The following VAV1 variants were observed in gnomAD, a reference collection of about 807,000 sequenced individuals.
VAV1 encodes the protein vav guanine nucleotide exchange factor 1.
Under a neutral mutation model 128.1 loss-of-function variants are expected in VAV1, and 33 were observed. The observed-to-expected ratio is 0.26, with a 90% CI of 0.20 to 0.34. The LOEUF (loss-of-function observed/expected upper bound fraction) is 0.34, where lower values mean the gene tolerates loss of function less well. VAV1 is among the 10% of genes least tolerant of loss of function. The pLI, the probability that VAV1 is intolerant of heterozygous loss-of-function variation, is 1.00. For missense variants in VAV1, 715 were observed against 1,093.7 expected, an observed-to-expected ratio of 0.65 and a Z score of 4.88; for synonymous variants, 394 against 409.8, an observed-to-expected ratio of 0.96 and a Z score of 0.47.
intron 22 of VAV1, among the ~76,000 whole-genome samples, chr19:6,846,828 ATAT>A (rs763035405): frequency 2.7e-5 from 4 of 147,664 alleles, no homozygotes; most frequent in Admixed American, 6.8e-5. Context: ...TAATGATTAT[ATAT>A]TATTATATAT....
At chr19:6,815,141 TTTTATTTA>T (rs550181298) in intron 1 of VAV1, among the ~76,000 whole-genome samples, 10 of 152,030 alleles carry the variant, frequency 6.6e-5, no homozygotes, top group Non-Finnish European at 1.3e-4. Flanking sequence ...TTGCTTCTTC[TTTTATTTA>T]TTTATTTATT....
At chr19:6,779,710 T>G (rs1239302025) in intron 1 of VAV1, among the ~76,000 whole-genome samples, 1 of 144,276 alleles carries the variant, frequency 6.9e-6, no homozygotes, top group Non-Finnish European at 1.5e-5. Context: ...AAATGAAAAA[T>G]AAAACTAAAA....
intron 22 of VAV1, 90 bp downstream of exon 22, chr19:6,843,256 T>C (rs1972424116): frequency 2.1e-6 from 3 of 1,438,716 alleles, no homozygotes; most frequent in Non-Finnish European, 2.9e-6. Flanking sequence ...AGCCAATTAG[T>C]TATGCATTCT....
At chr19:6,833,996 C>A in intron 19 of VAV1, 43 bp downstream of exon 19, 2 of 1,612,936 alleles carry the variant, frequency 1.2e-6, no homozygotes, top group South Asian at 2.2e-5. Flanking sequence ...GAGGAAAATT[C>A]ATCTCTATTG....
In VAV1 at chr19:6,817,832, A is replaced by G. The variant is rs75417215; in HGVS notation, c.205-2870A>G. On this transcript the variant is annotated intron_variant, in intron 1 of 26. Coordinates refer to ENST00000602142, the MANE Select transcript of VAV1 (RefSeq NM_005428.4). ...CTCCCGAGTAGCTGGGACTACAGGC[A>G]CCCGCCACCTTGCCTGGCTAATTTT... 5.8e-3 allele frequency among the ~76,000 whole-genome samples: 876 copies of G among 151,784 alleles called. 31 individuals are homozygous for G. The highest frequency in any genetic ancestry group is 0.047 in the Admixed American group (720 of 15,222).
intron 1 of VAV1, 26 bp downstream of exon 1, chr19:6,773,037 T>C (rs747675683): frequency 1.2e-6 from 2 of 1,613,854 alleles, no homozygotes; most frequent in Non-Finnish European, 8.5e-7. Flanking sequence ...GCAGGTGTGC[T>C]GAGGGTTGGA....
intron 1 of VAV1, among the ~76,000 whole-genome samples, chr19:6,774,049 G>A (rs1403104743): frequency 6.6e-6 from 1 of 152,142 alleles, no homozygotes; most frequent in Non-Finnish European, 1.5e-5. Flanking sequence ...GCCCATGGGG[G>A]TTCCTGGCGG....
In VAV1 at chr19:6,832,207, C is replaced by A. The variant is rs201252235; in HGVS notation, c.1508+7C>A. The A allele has an allele frequency of 1.6e-4, 261 of 1,613,204 alleles. No individual in the cohort carries two copies. In the African/African-American group the frequency reaches 3.2e-3, roughly 20 times the overall value. On this transcript the variant is annotated splice_region_variant and intron_variant, in intron 15 of 26. Transcript: ENST00000602142. ...AGCAGTTTGAGATGGCCATGTGAGT[C>A]CCCGTCTTCCTCCCTCTTTCTGTCC...
intron 1 of VAV1, among the ~76,000 whole-genome samples, chr19:6,810,082 G>A (rs28533437): frequency 0.1 from 15,341 of 152,046 alleles, 2,120 homozygotes; most frequent in African/African-American, 0.31. Context: ...AGGAGGTTGA[G>A]GCAAGAGGAT....
At chr19:6,829,338 GGAA>G (rs2144784378) in intron 13 of VAV1, among the ~76,000 whole-genome samples, 1 of 151,444 alleles carries the variant, frequency 6.6e-6, no homozygotes, top group African/African-American at 2.4e-5. Flanking sequence ...ATAGGTCTGG[GGAA>G]GAGCCTGGAT....
At chr19:6,844,749 G>A (rs1275585532) in intron 22 of VAV1, among the ~76,000 whole-genome samples, 9 of 152,080 alleles carry the variant, frequency 5.9e-5, no homozygotes, top group Admixed American at 1.3e-4. Flanking sequence ...GGTCAATGGG[G>A]TGGGGACCAG....
chr19:6,810,426 G>A (rs1379282179), intron 1 of VAV1, among the ~76,000 whole-genome samples: 2 of 152,084 alleles, frequency 1.3e-5, no homozygotes, highest in East Asian at 1.9e-4. Context: ...TAACTTGGCC[G>A]GGCACAGTGG....
At chr19:6,792,034 A>C (rs892143433) in intron 1 of VAV1, among the ~76,000 whole-genome samples, 2 of 152,050 alleles carry the variant, frequency 1.3e-5, no homozygotes, top group Non-Finnish European at 2.9e-5. Flanking sequence ...AAATCCTTGG[A>C]GCATTTAAGC....
intron 15 of VAV1, among the ~76,000 whole-genome samples, chr19:6,832,558 T>C (rs1972092629): frequency 7.9e-6 from 1 of 127,196 alleles, no homozygotes; most frequent in African/African-American, 3.4e-5. Context: ...TTCCTCCTCC[T>C]CTCCTTCCTC....
chr19:6,822,863 A>T lies in VAV1; in HGVS notation c.654+349A>T, dbSNP rs1243199893. Among the ~76,000 whole-genome samples the T allele has an allele frequency of 6.8e-6, 1 of 147,470 alleles. No individual in the cohort carries two copies. The highest frequency in any genetic ancestry group is 1.9e-4 in the East Asian group (1 of 5,146). ...TAAATATATACAAAGTATATATAAA[A>T]ATATAAACATATAATATGTATAAAA... On this transcript the variant is annotated intron_variant, in intron 6 of 26. Transcript: ENST00000602142. This position sits in a 1 kb window ranked among gnomAD's most constrained non-coding sequence, Gnocchi z 5.9.
At chr19:6,837,159 T>A in intron 21 of VAV1, 109 bp downstream of exon 21, 1 of 1,126,074 alleles carries the variant, frequency 8.9e-7, no homozygotes, top group Non-Finnish European at 1.3e-6. Context: ...GGGCTGCCCA[T>A]CATGGCAGGT....
intron 6 of VAV1, among the ~76,000 whole-genome samples, chr19:6,823,842 T>C (rs1425133276): frequency 6.6e-6 from 1 of 152,220 alleles, no homozygotes; most frequent in East Asian, 1.9e-4. Flanking sequence ...TACAGTTCAA[T>C]GGTTTTTGGC....
At chr19:6,843,231 T>C in intron 22 of VAV1, 65 bp downstream of exon 22, 1 of 1,580,528 alleles carries the variant, frequency 6.3e-7, no homozygotes. Context: ...AGGCTGGGTA[T>C]GGGAGGAACC....
intron 13 of VAV1, 90 bp from the exon 14 acceptor site, chr19:6,829,696 G>A: frequency 6.4e-7 from 1 of 1,573,560 alleles, no homozygotes; most frequent in Non-Finnish European, 8.7e-7. Flanking sequence ...GAGAAGGGCA[G>A]GGTGGGACCA....
Sources: allele counts gnomAD v4.1 joint callset (sites outside exome capture counted in the v4.1 genomes callset), GRCh38; gene constraint gnomAD v4.1.1; non-coding constraint Gnocchi (gnomAD v3.1); transcripts MANE v1.5; gene names NCBI Gene and HGNC (gene_info 2026-07-23, HGNC 2026-07-21).